WBP1L: variants seen among roughly 807,000 people sequenced by gnomAD.
The protein encoded by WBP1L is WW domain binding protein 1-like.
In WBP1L, 17 loss-of-function variants were observed where a neutral mutation model predicts 33.7. The observed-to-expected ratio is 0.50, with a 90% CI of 0.34 to 0.76. The LOEUF is 0.76. Ranked by LOEUF, WBP1L falls within the 30% of genes least tolerant of loss-of-function variation. The pLI is 0.01. For missense variants in WBP1L, 389 were observed against 469.4 expected, an observed-to-expected ratio of 0.83 and a Z score of 1.58; for synonymous variants, 173 against 190.8, an observed-to-expected ratio of 0.91 and a Z score of 0.77.
chr10:102,798,781 T>A (rs1033775914), intron 2 of WBP1L, among the ~76,000 whole-genome samples: 1 of 152,180 alleles, frequency 6.6e-6, no homozygotes, highest in Non-Finnish European at 1.5e-5. Flanking sequence ...GCCAGGCCAC[T>A]CTAGATGGTC....
chr10:102,781,056 C>G (rs1256942272), intron 1 of WBP1L, among the ~76,000 whole-genome samples: 1 of 152,170 alleles, frequency 6.6e-6, no homozygotes, highest in African/African-American at 2.4e-5. Flanking sequence ...TGGAAAGAGG[C>G]ACAGGGGGCA....
At chr10:102,792,916 C>A (rs2134054920) in intron 1 of WBP1L, among the ~76,000 whole-genome samples, 1 of 152,252 alleles carries the variant, frequency 6.6e-6, no homozygotes, top group East Asian at 1.9e-4. Flanking sequence ...TTTAACCGTA[C>A]TGTCAATCTC....
chr10:102,744,249 A>G, intron 1 of WBP1L, 106 bp downstream of exon 1: 1 of 1,309,720 alleles, frequency 7.6e-7, no homozygotes, highest in Non-Finnish European at 1.0e-6. Context: ...GGGTCCCGAG[A>G]GGGGCGTCTA....
At chr10:102,774,826 G>A (rs1033862226) in intron 1 of WBP1L, among the ~76,000 whole-genome samples, 1 of 152,132 alleles carries the variant, frequency 6.6e-6, no homozygotes, top group East Asian at 1.9e-4. Context: ...TTAATTTGTA[G>A]CTGAGGAAGT....
chr10:102,804,897 G>A (rs1386991458), intron 2 of WBP1L, among the ~76,000 whole-genome samples: 1 of 152,174 alleles, frequency 6.6e-6, no homozygotes, highest in African/African-American at 2.4e-5. Flanking sequence ...TGCCTAGAAG[G>A]AGAAGAAGCA....
At chr10:102,764,912 A>G (rs988513010) in intron 1 of WBP1L, among the ~76,000 whole-genome samples, 3 of 152,202 alleles carry the variant, frequency 2.0e-5, no homozygotes, top group Non-Finnish European at 1.5e-5. Context: ...GAGGTATCTC[A>G]TGACCTAGAG....
chr10:102,756,698 G>A (rs1842981622), intron 1 of WBP1L, among the ~76,000 whole-genome samples: 2 of 152,060 alleles, frequency 1.3e-5, no homozygotes, highest in African/African-American at 4.8e-5. Flanking sequence ...TGGTTATAGG[G>A]TATGCACATT....
chr10:102,776,194 G>C lies in WBP1L; in HGVS notation c.91-21799G>C, dbSNP rs1345625525. The C allele has an allele frequency of 6.1e-6, 9 of 1,466,440 alleles. No individual in the cohort carries two copies. The East Asian group carries it at 2.0e-4, about 33-fold the overall frequency. 90.8% of individuals were successfully genotyped at this position (1,466,440 alleles called of 1,614,324 possible). ...GGTGGGGGTGGGCCAGAGCCAGGCAGGGGGAGTAGCGAGGAGAGCAGGAGA... is the reference window on the plus strand; with the variant it reads ...GGTGGGGGTGGGCCAGAGCCAGGCACGGGGAGTAGCGAGGAGAGCAGGAGA... On this transcript the variant is annotated intron_variant, in intron 1 of 3. Coordinates refer to ENST00000448841, the MANE Select transcript of WBP1L (RefSeq NM_001083913.2).
intron 2 of WBP1L, among the ~76,000 whole-genome samples, chr10:102,806,493 C>T (rs1370698867): frequency 6.6e-6 from 1 of 152,162 alleles, no homozygotes; most frequent in African/African-American, 2.4e-5. Context: ...TGCAAGGGTT[C>T]CTCTGCCAGT....
chr10:102,744,075 G>GGTGGCATGGCGCTCCTGCTCCTCC lies in WBP1L; in HGVS notation c.23_46dup (p.Leu15_Gln16insArgGlyMetAlaLeuLeuLeuLeu). ...GGGGATGGAGAGGAGAAGGCTCCTG[G>GGTGGCATGGCGCTCCTGCTCCTCC]GTGGCATGGCGCTCCTGCTCCTCCA... On this transcript the variant is annotated inframe_insertion, in exon 1 of 4. Transcript: ENST00000448841. The GGTGGCATGGCGCTCCTGCTCCTCC allele has an allele frequency of 6.4e-7, 1 of 1,552,758 alleles. No individual in the cohort carries two copies. The highest frequency in any genetic ancestry group is 2.4e-5 in the East Asian group (1 of 40,972).
At position 102,813,552 on chromosome 10, in the gene WBP1L, G is replaced by A. The variant is rs535918300; in HGVS notation, c.*221G>A. The A allele has an allele frequency of 1.5e-5, 9 of 620,124 alleles. No homozygotes were observed. The highest frequency in any genetic ancestry group is 7.4e-5 in the African/African-American group (4 of 54,408). The allele number at this position is 620,124 out of a possible 1,614,324, so 38.4% of individuals were successfully genotyped here. A position where few individuals can be genotyped will look rare whatever the true frequency, so the allele number is the denominator to read the frequency against. On this transcript the variant is annotated 3_prime_UTR_variant, in exon 4 of 4. Transcript: ENST00000448841. ...AGGGCACAGTGTTGTGGAGGGCTAA[G>A]TTGGTTCTGTGACTCATTCCTCATA... is the stretch of plus-strand genomic sequence containing the variant.
At chr10:102,767,739 A>G (rs1440538234) in intron 1 of WBP1L, among the ~76,000 whole-genome samples, 1 of 152,156 alleles carries the variant, frequency 6.6e-6, no homozygotes, top group Non-Finnish European at 1.5e-5. Flanking sequence ...AAGATTGACC[A>G]TATTTTAGTA....
chr10:102,750,856 A>T (rs926990303), intron 1 of WBP1L, among the ~76,000 whole-genome samples: 2 of 152,048 alleles, frequency 1.3e-5, no homozygotes, highest in African/African-American at 2.4e-5. Flanking sequence ...ATTAGCAGTC[A>T]CTTCCCTTTC....
chr10:102,756,252 G>A (rs1478036436), intron 1 of WBP1L, among the ~76,000 whole-genome samples: 2 of 151,922 alleles, frequency 1.3e-5, no homozygotes, highest in Admixed American at 6.6e-5. Context: ...TCTACTAAAA[G>A]TACAAAAGTT....
chr10:102,784,872 CT>C (rs61102977), intron 1 of WBP1L, among the ~76,000 whole-genome samples: 109 of 142,344 alleles, frequency 7.7e-4, no homozygotes, highest in Non-Finnish European at 1.3e-3. Flanking sequence ...ACTTTTTTTT[CT>C]TTTTTTTTTT....
intron 1 of WBP1L, among the ~76,000 whole-genome samples, chr10:102,772,491 C>G (rs1431646865): frequency 6.7e-6 from 1 of 149,274 alleles, no homozygotes; most frequent in Non-Finnish European, 1.5e-5. Flanking sequence ...GAACTCCTGA[C>G]CTCAGGTGAT....
At chr10:102,771,112 G>T (rs924850815) in intron 1 of WBP1L, among the ~76,000 whole-genome samples, 1 of 152,142 alleles carries the variant, frequency 6.6e-6, no homozygotes, top group Admixed American at 6.5e-5. Context: ...TTGAACAAAT[G>T]ATTATCTCTC....
At position 102,813,379 on chromosome 10, in the gene WBP1L, G is replaced by A. The variant is rs759980971; in HGVS notation, c.*48G>A. ...CAACTTGGCAAAGCAACCAGGGTAG[G>A]GGAGAACCACGAGAGAAGCATTAAG... On this transcript the variant is annotated 3_prime_UTR_variant, in exon 4 of 4. Transcript: ENST00000448841. 1.3e-6 allele frequency: 2 copies of A among 1,549,812 alleles called. No homozygotes were observed. The highest frequency in any genetic ancestry group is 8.7e-7 in the Non-Finnish European group (1 of 1,149,902).
intron 1 of WBP1L, among the ~76,000 whole-genome samples, chr10:102,755,045 G>C (rs1346804651): frequency 6.6e-6 from 1 of 151,918 alleles, no homozygotes; most frequent in Non-Finnish European, 1.5e-5. Flanking sequence ...CGCCTCCTGG[G>C]TTCAAGCCAT....
Sources: gnomAD v4.1 joint callset for allele counts (sites outside exome capture counted in the v4.1 genomes callset) on GRCh38, gnomAD v4.1.1 for gene constraint, MANE v1.5 for transcripts, NCBI Gene and HGNC (gene_info 2026-07-23, HGNC 2026-07-21) for gene names.